Variants in CUX2 observed in about 807,000 individuals in gnomAD.
The protein encoded by CUX2 is cut like homeobox 2, also known as homeobox protein cut-like 2.
Under a neutral mutation model 144.8 loss-of-function variants are expected in CUX2, and 40 were observed. The ratio of observed to expected loss-of-function variants is 0.28; its 90% CI spans 0.21 to 0.36. The LOEUF (loss-of-function observed/expected upper bound fraction) is 0.36, where lower values mean the gene tolerates loss of function less well. Among genes scored for constraint, CUX2 ranks in the 10% least tolerant of loss-of-function variants. CUX2 has a pLI of 1.00. For missense variants in CUX2, 1,615 were observed against 1,994.0 expected, an observed-to-expected ratio of 0.81 and a Z score of 3.62; for synonymous variants, 827 against 875.6, an observed-to-expected ratio of 0.94 and a Z score of 0.98.
chr12:111,087,721 C>A (rs1439844951), intron 1 of CUX2, among the ~76,000 whole-genome samples: 1 of 152,170 alleles, frequency 6.6e-6, no homozygotes, highest in East Asian at 1.9e-4. Context: ...CCTAGAACAG[C>A]CCCTGCACAT....
chr12:111,138,470 G>A (rs934209435), intron 1 of CUX2, among the ~76,000 whole-genome samples: 1 of 152,104 alleles, frequency 6.6e-6, no homozygotes, highest in Non-Finnish European at 1.5e-5. Context: ...ATGGTAAGTG[G>A]CAGGAAATGC....
At chr12:111,280,509 C>T (rs1885076112) in intron 4 of CUX2, among the ~76,000 whole-genome samples, 2 of 152,154 alleles carry the variant, frequency 1.3e-5, no homozygotes, top group African/African-American at 4.8e-5. Context: ...AGAGCAGATT[C>T]CTCTGGCTGC....
In CUX2 at chr12:111,178,601, G is replaced by T. The variant is rs777777669; in HGVS notation, c.64-35599G>T. 1.5e-4 allele frequency among the ~76,000 whole-genome samples: 23 copies of T among 152,308 alleles called. No individual in the cohort carries two copies. Among genetic ancestry groups the T allele is most frequent in the Middle Eastern group, 3.4e-3 (1 of 294 alleles). On this transcript the variant is annotated intron_variant, in intron 1 of 21. Coordinates refer to ENST00000261726, the MANE Select transcript of CUX2 (RefSeq NM_015267.4). This position sits in a 1 kb window ranked among gnomAD's most constrained non-coding sequence, Gnocchi z 5.7. ...TCACGGGTGGGACACTGGGAGGGAG[G>T]GCAGGGGTCCCCACTTTGATCAGTC...
intron 1 of CUX2, among the ~76,000 whole-genome samples, chr12:111,038,980 G>A (rs1484379617): frequency 2.6e-5 from 4 of 151,286 alleles, no homozygotes; most frequent in African/African-American, 4.9e-5. Flanking sequence ...AAACTCTCCT[G>A]TTAAAAAGAG....
intron 1 of CUX2, among the ~76,000 whole-genome samples, chr12:111,126,011 G>T (rs1875042478): frequency 6.6e-6 from 1 of 150,544 alleles, no homozygotes; most frequent in Admixed American, 6.6e-5. Flanking sequence ...TCAACACGAT[G>T]TATTACGTTT....
At position 111,310,670 on chromosome 12, in the gene CUX2, G is replaced by C; in HGVS notation, c.1888G>C (p.Val630Leu). Residue 630 changes from valine to leucine, a missense_variant, in exon 15 of 22, where the codon GTG becomes CTG. Coordinates refer to ENST00000261726, the MANE Select transcript of CUX2 (RefSeq NM_015267.4). This position sits in a 1 kb window ranked among gnomAD's most constrained non-coding sequence, Gnocchi z 7.9. Reference protein sequence around the residue: ...QNVLALRTIQVRQRGSITPRI... With the variant: ...QNVLALRTIQLRQRGSITPRI... Reference sequence around the variant, plus strand: ...TGTACTGGCGCTCAGGACCATCCAAGTGCGGCAGCGAGGTGAGTGCCCAAG... The same window carrying C: ...TGTACTGGCGCTCAGGACCATCCAACTGCGGCAGCGAGGTGAGTGCCCAAG... 1 of 1,587,248 alleles carries C rather than the reference G, an allele frequency of 6.3e-7. No individual in the cohort carries two copies. Among genetic ancestry groups the C allele is most frequent in the Non-Finnish European group, 8.6e-7 (1 of 1,160,536 alleles).
At chr12:111,079,204 T>C (rs943622418) in intron 1 of CUX2, among the ~76,000 whole-genome samples, 1 of 152,240 alleles carries the variant, frequency 6.6e-6, no homozygotes, top group Non-Finnish European at 1.5e-5. Flanking sequence ...GGTCTAAGAC[T>C]TTCCTTCTGG....
chr12:111,317,227 G>A (rs1375486190), intron 16 of CUX2, among the ~76,000 whole-genome samples: 1 of 152,200 alleles, frequency 6.6e-6, no homozygotes, highest in Non-Finnish European at 1.5e-5. Flanking sequence ...CAGAGCTAGA[G>A]AGACTCTGGT....
intron 1 of CUX2, among the ~76,000 whole-genome samples, chr12:111,195,393 AC>A (rs1290575581): frequency 3.3e-5 from 5 of 152,230 alleles, no homozygotes; most frequent in Non-Finnish European, 7.3e-5. Context: ...AAAAAAAGAA[AC>A]ACAAAACATT....
chr12:111,251,175 G>A (rs746848304), intron 3 of CUX2, among the ~76,000 whole-genome samples: 27 of 152,186 alleles, frequency 1.8e-4, no homozygotes, highest in South Asian at 4.1e-4. Flanking sequence ...TTTGTGCTTC[G>A]GTGCATGGAT....
rs997038302 is a variant in CUX2, at chr12:111,160,632, G to A, written c.64-53568G>A. ...AAGGGGCCTGGGTTTTTGTCTCCAT[G>A]TCCAGGGAGCCAATGGAGGGCTATG... On this transcript the variant is annotated intron_variant, in intron 1 of 21. Coordinates refer to ENST00000261726, the MANE Select transcript of CUX2 (RefSeq NM_015267.4). The surrounding 1 kb of genome is among the most constrained non-coding windows in gnomAD (Gnocchi z 4.1). Among the ~76,000 whole-genome samples, 1 of 152,152 alleles carries A rather than the reference G, an allele frequency of 6.6e-6. No homozygotes were observed. Among genetic ancestry groups the A allele is most frequent in the Admixed American group, 6.5e-5 (1 of 15,282 alleles).
chr12:111,318,835 T>C (rs1887345939), intron 16 of CUX2, among the ~76,000 whole-genome samples: 1 of 151,990 alleles, frequency 6.6e-6, no homozygotes. Flanking sequence ...TGGCTAATTT[T>C]TGTATTTTTT....
chr12:111,139,980 A>G (rs1876191769), intron 1 of CUX2, among the ~76,000 whole-genome samples: 1 of 152,148 alleles, frequency 6.6e-6, no homozygotes, highest in Non-Finnish European at 1.5e-5. Flanking sequence ...TGGTCTGTGA[A>G]ATGGGGATAT....
chr12:111,266,369 G>T (rs1475306828), intron 4 of CUX2, among the ~76,000 whole-genome samples: 1 of 151,908 alleles, frequency 6.6e-6, no homozygotes, highest in African/African-American at 2.4e-5. Context: ...TACTCAAGAG[G>T]CTGAGGCAGG....
chr12:111,203,954 C>T (rs572819517), intron 1 of CUX2, among the ~76,000 whole-genome samples: 1 of 152,352 alleles, frequency 6.6e-6, no homozygotes, highest in East Asian at 1.9e-4. Flanking sequence ...GCTGCTGCCT[C>T]CCAACTCCCA....
rs568983449 is a variant in CUX2 at position 111,328,580 on chromosome 12, T to TTGTGTGTGTGTGTGTG, written c.2927-5836_2927-5821dup. 5.8e-4 allele frequency among the ~76,000 whole-genome samples: 79 copies of TTGTGTGTGTGTGTGTG among 135,848 alleles called. 1 individual carries two copies. The highest frequency in any genetic ancestry group is 1.1e-3 in the African/African-American group (38 of 35,716). The allele number at this position is 135,848 out of a possible 152,430, so 89.1% of individuals were successfully genotyped here. A position where few individuals can be genotyped will look rare whatever the true frequency, so the allele number is the denominator to read the frequency against. On this transcript the variant is annotated intron_variant, in intron 18 of 21. Coordinates refer to ENST00000261726, the MANE Select transcript of CUX2 (RefSeq NM_015267.4). ...CTCTGTCTCTCTCCTCCAATTTCTT[T>TTGTGTGTGTGTGTGTG]TGTGTGTGTGTGTGTGTGTGTGTGT...
chr12:111,276,789 A>G (rs1014177779), intron 4 of CUX2, among the ~76,000 whole-genome samples: 2 of 152,132 alleles, frequency 1.3e-5, no homozygotes, highest in East Asian at 3.9e-4. Flanking sequence ...CTGGGACTAC[A>G]GGCGCGAGCC....
intron 1 of CUX2, among the ~76,000 whole-genome samples, chr12:111,144,949 C>T (rs1226728026): frequency 3.3e-5 from 5 of 152,188 alleles, no homozygotes; most frequent in African/African-American, 1.2e-4. Context: ...CACCGTCTTC[C>T]ACCTGGGATA....
rs1474306908 is a variant in CUX2 at position 111,320,690 on chromosome 12, G to A, written c.2681G>A (p.Arg894His). 2.5e-6 allele frequency: 4 copies of A among 1,595,550 alleles called. No homozygotes were observed. The highest frequency in any genetic ancestry group is 1.7e-5 in the Admixed American group (1 of 59,756). ...GAGCAGTACGAGCTGTACATGTACC[G>A]TGAGGTAGACACGCTGGAGCTCACC... ...TPEQYELYMYREVDTLELTRQ... is the reference protein window; with the variant it reads ...TPEQYELYMYHEVDTLELTRQ... The change falls in exon 17 of 22, where the codon CGT (arginine) becomes CAT (histidine). Residue 894 changes from arginine to histidine, a missense_variant. Physicochemically the swap from Arg to His is conservative, Grantham distance 29 (BLOSUM62 0). Around this residue, in one of 12 missense-constraint regions of CUX2, gnomAD observed 390 missense variants for 387.1 expected, o/e 1.01. Transcript: ENST00000261726. This position sits in a 1 kb window ranked among gnomAD's most constrained non-coding sequence, Gnocchi z 8.1.
Sources: gnomAD v4.1 joint callset for allele counts (sites outside exome capture counted in the v4.1 genomes callset) on GRCh38, gnomAD v4.1.1 for gene constraint, gnomAD v4.1.1 regional missense constraint, Gnocchi (gnomAD v3.1) non-coding constraint, MANE v1.5 for transcripts, NCBI Gene and HGNC (gene_info 2026-07-23, HGNC 2026-07-21) for gene names.